Variants in ANKRD44 observed in about 807,000 individuals in gnomAD.
The protein encoded by ANKRD44 is serine/threonine-protein phosphatase 6 regulatory ankyrin repeat subunit B.
A neutral mutation model predicts 116.0 loss-of-function variants in ANKRD44; 35 were observed. The observed-to-expected ratio is 0.30, with a 90% confidence interval of 0.23 to 0.40. The LOEUF (loss-of-function observed/expected upper bound fraction) is 0.40, where lower values mean the gene tolerates loss of function less well. Among genes scored for constraint, ANKRD44 ranks in the 10% least tolerant of loss-of-function variants. ANKRD44 has a pLI of 1.00. For missense variants in ANKRD44, 1,014 were observed against 1,242.6 expected (o/e 0.82, Z 2.77); for synonymous variants, 435 against 461.8 (o/e 0.94, Z 0.74).
intron 1 of ANKRD44, among the ~76,000 whole-genome samples, chr2:197,204,195 A>C (rs183898604): frequency 1.0e-3 from 157 of 152,338 alleles, no homozygotes; most frequent in Middle Eastern, 0.01. Flanking sequence ...AAATGTGGAA[A>C]AAAAGCAGTC....
intron 1 of ANKRD44, among the ~76,000 whole-genome samples, chr2:197,225,421 G>T (rs1247792847): frequency 6.6e-6 from 1 of 152,120 alleles, no homozygotes; most frequent in African/African-American, 2.4e-5. Context: ...TCAGCTTACT[G>T]CAACCTCCAC....
intron 2 of ANKRD44, among the ~76,000 whole-genome samples, chr2:197,173,124 A>G (rs2080281539): frequency 6.6e-6 from 1 of 152,236 alleles, no homozygotes; most frequent in African/African-American, 2.4e-5. Flanking sequence ...GTCTGACTGT[A>G]TCTTTAGAAA....
chr2:197,070,182 G>A (rs1302022511), intron 16 of ANKRD44, among the ~76,000 whole-genome samples: 2 of 152,084 alleles, frequency 1.3e-5, no homozygotes, highest in East Asian at 3.8e-4. Flanking sequence ...GATGTCATCT[G>A]CAAATAGGAA....
chr2:197,246,472 G>A (rs1414286098), intron 1 of ANKRD44, among the ~76,000 whole-genome samples: 1 of 144,002 alleles, frequency 6.9e-6, no homozygotes, highest in Non-Finnish European at 1.5e-5. Context: ...GGGATTACAG[G>A]CATGAGCCAC....
intron 1 of ANKRD44, among the ~76,000 whole-genome samples, chr2:197,269,688 C>A (rs2082843245): frequency 6.6e-6 from 1 of 152,008 alleles, no homozygotes. Context: ...CTACTACCTG[C>A]CAAACCATGC....
rs1359450155 is a variant in ANKRD44, at chr2:196,989,324, G to A, written c.*267C>T. On this transcript the variant is annotated 3_prime_UTR_variant, in exon 28 of 28. Coordinates refer to ENST00000282272, the MANE Select transcript of ANKRD44 (RefSeq NM_001195144.2). ...GCACATCATCAGTTACAAATGTTAA[G>A]TGGTCAACTAGAAATCTGTGTCCTA... 13 of 1,016,758 alleles carry A rather than the reference G, an allele frequency of 1.3e-5. No individual in the cohort carries two copies. Among genetic ancestry groups the A allele is most frequent in the South Asian group, 4.5e-5 (1 of 22,078 alleles). The allele number at this position is 1,016,758 out of a possible 1,614,324, so 63.0% of individuals were successfully genotyped here.
intron 1 of ANKRD44, among the ~76,000 whole-genome samples, chr2:197,303,500 G>C (rs1419263813): frequency 6.6e-6 from 1 of 152,170 alleles, no homozygotes. Context: ...TTTAGAGACA[G>C]GTTAGAATTG....
chr2:197,302,301 T>C (rs1032053626), intron 1 of ANKRD44: 3 of 152,218 alleles, frequency 2.0e-5, no homozygotes, highest in African/African-American at 7.2e-5. Context: ...AGAGCTACGT[T>C]GAGAGTAGAG....
chr2:197,213,935 G>A (rs1426609055), intron 1 of ANKRD44, among the ~76,000 whole-genome samples: 1 of 152,180 alleles, frequency 6.6e-6, no homozygotes, highest in African/African-American at 2.4e-5. Flanking sequence ...GTATCTTTGG[G>A]AAGATAGACT....
rs1289694273 is a variant in ANKRD44 at position 196,993,617 on chromosome 2, G to A, written c.2889C>T (p.Ala963=). 4 of 1,550,732 alleles carry A rather than the reference G, an allele frequency of 2.6e-6. No homozygotes were observed. The highest frequency in any genetic ancestry group is 3.5e-6 in the Non-Finnish European group (4 of 1,146,984). The change falls in exon 27 of 28, where the codon GCC becomes GCT. Residue 963 remains alanine (A), a synonymous_variant. Coordinates refer to ENST00000282272, the MANE Select transcript of ANKRD44 (RefSeq NM_001195144.2). The part of the protein sequence containing the change: ...GLKVVVEELL[A]KGACVLAVDE... ...CTACAGCAAGTACACAGGCCCCTTTGGCCAGCAACTCCTCAACTACCACCT... is the reference window on the plus strand; with the variant it reads ...CTACAGCAAGTACACAGGCCCCTTTAGCCAGCAACTCCTCAACTACCACCT...
intron 1 of ANKRD44, among the ~76,000 whole-genome samples, chr2:197,208,597 G>A (rs1483766087): frequency 6.6e-6 from 1 of 152,072 alleles, no homozygotes; most frequent in Non-Finnish European, 1.5e-5. Context: ...TCAGGAGATT[G>A]AGACCATTCT....
In ANKRD44 at chr2:197,270,274, AG is replaced by A. The variant is rs1206061276; in HGVS notation, c.27+40303del. Among the ~76,000 whole-genome samples, 14 of 152,328 alleles carry A rather than the reference AG, an allele frequency of 9.2e-5. No homozygotes were observed. The East Asian group carries it at 2.3e-3, about 25-fold the overall frequency. On this transcript the variant is annotated intron_variant, in intron 1 of 27. Coordinates refer to ENST00000282272, the MANE Select transcript of ANKRD44 (RefSeq NM_001195144.2). ...GCCTTGCACATGCCACTCGGGAGTC[AG>A]ACTCTGTGCCAGATGTGGAGGAGAG...
At chr2:197,173,366 A>G (rs1267955248) in intron 2 of ANKRD44, among the ~76,000 whole-genome samples, 2 of 152,224 alleles carry the variant, frequency 1.3e-5, no homozygotes, top group Non-Finnish European at 2.9e-5. Context: ...GTATTCTTTT[A>G]ATAGGAAGCT....
intron 19 of ANKRD44, 81 bp from the exon 20 acceptor site, chr2:197,008,004 T>TCTCG (rs35995095): frequency 5.1e-6 from 4 of 782,776 alleles, no homozygotes; most frequent in African/African-American, 9.9e-5. Context: ...ACATTCTCTT[T>TCTCG]CTCCCATTCT....
intron 21 of ANKRD44, among the ~76,000 whole-genome samples, chr2:196,978,339 G>A (rs569765136): frequency 6.6e-6 from 1 of 152,282 alleles, no homozygotes; most frequent in Admixed American, 6.5e-5. Context: ...AGAAGCAGCT[G>A]CCAGCACCAT....
intron 1 of ANKRD44, among the ~76,000 whole-genome samples, chr2:197,295,149 A>C (rs1018667943): frequency 3.3e-5 from 5 of 152,224 alleles, no homozygotes; most frequent in Non-Finnish European, 7.3e-5. Context: ...AAATAATAAA[A>C]GCAAGAATTC....
At chr2:197,181,876 C>T (rs1221681566) in intron 2 of ANKRD44, among the ~76,000 whole-genome samples, 2 of 152,202 alleles carry the variant, frequency 1.3e-5, no homozygotes, top group Admixed American at 6.5e-5. Flanking sequence ...ACAGTGTTAA[C>T]TTAAACTATT....
intron 17 of ANKRD44, among the ~76,000 whole-genome samples, chr2:197,020,804 T>A (rs1430281695): frequency 0.036 from 5,418 of 150,852 alleles, 338 homozygotes; most frequent in African/African-American, 0.13. Context: ...ATGGAGTTTT[T>A]TATTATTATT....
At chr2:197,112,473 G>T (rs1489724112) in intron 8 of ANKRD44, among the ~76,000 whole-genome samples, 1 of 152,140 alleles carries the variant, frequency 6.6e-6, no homozygotes, top group African/African-American at 2.4e-5. Flanking sequence ...ACTTTGGGAG[G>T]CCGAGGCGGG....
Sources: allele counts gnomAD v4.1 joint callset (sites outside exome capture counted in the v4.1 genomes callset), GRCh38; gene constraint gnomAD v4.1.1; transcripts MANE v1.5; gene names NCBI Gene and HGNC (gene_info 2026-07-23, HGNC 2026-07-21).